The following STYXL2 variants were observed in gnomAD, a reference collection of about 807,000 sequenced individuals.
The protein encoded by STYXL2 is serine/threonine/tyrosine-interacting-like protein 2.
Under a neutral mutation model 52.4 loss-of-function variants are expected in STYXL2, and 44 were observed. The ratio of observed to expected loss-of-function variants is 0.84; its 90% confidence interval spans 0.66 to 1.08. The LOEUF (loss-of-function observed/expected upper bound fraction) is 1.08, where lower values mean the gene tolerates loss of function less well. STYXL2 is among the 50% of genes least tolerant of loss of function. The probability of loss-of-function intolerance (pLI) is 0.00; values close to 1 mark genes in which losing one functional copy is unlikely to be tolerated. For missense variants in STYXL2, 1,604 were observed against 1,471.7 expected (o/e 1.09, Z -1.47); for synonymous variants, 604 against 586.9 (o/e 1.03, Z -0.42).
intron 2 of STYXL2, among the ~76,000 whole-genome samples, chr1:167,105,393 G>C (rs1258222478): frequency 6.6e-6 from 1 of 152,156 alleles, no homozygotes; most frequent in Non-Finnish European, 1.5e-5. Flanking sequence ...CTGATCCTAT[G>C]ATGAGGTATG....
At chr1:167,120,480 G>A (rs73031178) in intron 5 of STYXL2, among the ~76,000 whole-genome samples, 3,894 of 152,110 alleles carry the variant, frequency 0.026, 42 homozygotes, top group African/African-American at 0.033. Context: ...GACAACACCT[G>A]GCACAATAAA....
At chr1:167,125,599 C>T (rs1356023998) in intron 5 of STYXL2, among the ~76,000 whole-genome samples, 188 bp from the exon 6 acceptor site, 2 of 152,200 alleles carry the variant, frequency 1.3e-5, no homozygotes, top group African/African-American at 4.8e-5. Flanking sequence ...TGTGATGTCT[C>T]CCATCTGTAA....
Position 167,126,239 on chromosome 1 carries a change from G to A in STYXL2, c.1108G>A (p.Gly370Ser), listed in dbSNP as rs1348264995. 6.5e-7 allele frequency: 1 copy of A among 1,544,830 alleles called. No homozygotes were observed. The highest frequency in any genetic ancestry group is 1.3e-5 in the South Asian group (1 of 78,458). ...LLSDKVPQDG[G>S]GWRSASSGQG... is the part of the protein sequence containing the mutation. ...CTCAGACAAGGTCCCCCAGGATGGAGGTGGCTGGCGCTCAGCCTCCTCTGG... is the reference window on the plus strand; with the variant it reads ...CTCAGACAAGGTCCCCCAGGATGGAAGTGGCTGGCGCTCAGCCTCCTCTGG... The change falls in exon 6 of 6, where the codon GGT becomes AGT. Residue 370 changes from glycine (G) to serine (S), a missense_variant. Gly to Ser is a moderately conservative substitution (Grantham distance 56). Coordinates refer to ENST00000361200, the MANE Select transcript of STYXL2 (RefSeq NM_001080426.3).
chr1:167,119,515 G>T, intron 5 of STYXL2, 49 bp downstream of exon 5: 1 of 1,531,304 alleles, frequency 6.5e-7, no homozygotes, highest in Non-Finnish European at 9.0e-7. Context: ...CGGGGGAAAA[G>T]TAATGTGGGG....
chr1:167,094,900 G>A lies in STYXL2; in HGVS notation c.51G>A (p.Glu17=). The A allele has an allele frequency of 1.2e-6, 2 of 1,613,300 alleles. No homozygotes were observed. Among genetic ancestry groups the A allele is most frequent in the Non-Finnish European group, 8.5e-7 (1 of 1,179,822 alleles). Residue 17 remains glutamate (E), a synonymous_variant, in exon 2 of 6, where the codon GAG becomes GAA. Coordinates refer to ENST00000361200, the MANE Select transcript of STYXL2 (RefSeq NM_001080426.3). ...TEEEQVVPSE[E]DEANVRAVQA... ...AGGAGCAGGTAGTCCCAAGCGAGGA[G>A]GACGAAGCCAACGTGAGGGCGGTGC...
intron 2 of STYXL2, among the ~76,000 whole-genome samples, chr1:167,104,085 C>T (rs966274651): frequency 2.0e-5 from 3 of 152,124 alleles, no homozygotes; most frequent in Non-Finnish European, 2.9e-5. Flanking sequence ...GGCCACTGCA[C>T]TCCAGCCTGG....
intron 2 of STYXL2, among the ~76,000 whole-genome samples, chr1:167,111,181 A>C (rs184083445): frequency 6.6e-6 from 1 of 152,198 alleles, no homozygotes; most frequent in East Asian, 1.9e-4. Context: ...GAAAACTTTT[A>C]GATGTGGGCA....
At chr1:167,113,290 A>G (rs112855377) in intron 2 of STYXL2, among the ~76,000 whole-genome samples, 12 of 152,266 alleles carry the variant, frequency 7.9e-5, no homozygotes, top group African/African-American at 2.9e-4. Context: ...CAACCTATTC[A>G]GCCCAGCAGT....
chr1:167,124,482 T>C (rs1200634918), intron 5 of STYXL2, among the ~76,000 whole-genome samples: 1 of 152,200 alleles, frequency 6.6e-6, no homozygotes, highest in Non-Finnish European at 1.5e-5. Context: ...AGGTCTCCAG[T>C]GGTCCCAGTC....
chr1:167,115,374 T>C (rs1336011302), intron 3 of STYXL2, among the ~76,000 whole-genome samples: 2 of 152,154 alleles, frequency 1.3e-5, no homozygotes, highest in African/African-American at 4.8e-5. Flanking sequence ...GGCTTTACTT[T>C]CTGCTGAAGA....
intron 2 of STYXL2, among the ~76,000 whole-genome samples, chr1:167,105,581 A>T (rs1483573348): frequency 1.3e-5 from 2 of 152,052 alleles, no homozygotes; most frequent in Non-Finnish European, 2.9e-5. Flanking sequence ...GCAAATATAA[A>T]CAGGGCCAGT....
intron 4 of STYXL2, 37 bp from the exon 5 acceptor site, chr1:167,119,212 C>T (rs1250179434): frequency 6.3e-7 from 1 of 1,599,418 alleles, no homozygotes; most frequent in South Asian, 1.1e-5. Flanking sequence ...CTTTCTAGTT[C>T]CGACTCTTGC....
chr1:167,098,435 C>T (rs1028779912), intron 2 of STYXL2, among the ~76,000 whole-genome samples: 2 of 151,580 alleles, frequency 1.3e-5, no homozygotes, highest in African/African-American at 4.8e-5. Context: ...ATGACCATGC[C>T]ACTGCATTCC....
chr1:167,116,881 C>T (rs1667735814), intron 3 of STYXL2, among the ~76,000 whole-genome samples: 1 of 152,076 alleles, frequency 6.6e-6, no homozygotes, highest in South Asian at 2.1e-4. Context: ...AACTGCTGAC[C>T]TCAGGTCATC....
intron 2 of STYXL2, among the ~76,000 whole-genome samples, chr1:167,110,702 T>C (rs1379039484): frequency 1.3e-5 from 2 of 152,214 alleles, no homozygotes; most frequent in East Asian, 3.8e-4. Flanking sequence ...GTTTTCTACC[T>C]TGGTGACAGT....
chr1:167,108,560 A>G (rs1277611949), intron 2 of STYXL2, among the ~76,000 whole-genome samples: 6 of 140,318 alleles, frequency 4.3e-5, no homozygotes, highest in Non-Finnish European at 9.1e-5. Flanking sequence ...TTCACCAAAC[A>G]ATGAGATCTC....
chr1:167,112,391 C>G (rs1450796918), intron 2 of STYXL2, among the ~76,000 whole-genome samples: 1 of 152,184 alleles, frequency 6.6e-6, no homozygotes, highest in East Asian at 1.9e-4. Flanking sequence ...GAGAATTGTT[C>G]TACTAATCAA....
At chr1:167,104,157 C>T (rs1402761192) in intron 2 of STYXL2, among the ~76,000 whole-genome samples, 1 of 152,042 alleles carries the variant, frequency 6.6e-6, no homozygotes, top group African/African-American at 2.4e-5. Context: ...TGCAAACCAA[C>T]CTCTGCCCGT....
chr1:167,126,316 G>A lies in STYXL2; in HGVS notation c.1185G>A (p.Glu395=). Residue 395 remains glutamate (E), a synonymous_variant, in exon 6 of 6, where the codon GAG becomes GAA. Coordinates refer to ENST00000361200, the MANE Select transcript of STYXL2 (RefSeq NM_001080426.3). ...AGGACGTGGAGAGGATCATCCAGGA[G>A]TGGCAGAGCCGAAACGAGAGGTACC... ...EDEDVERIIQ[E]WQSRNERYQA... 4 of 1,522,818 alleles carry A rather than the reference G, an allele frequency of 2.6e-6. No homozygotes were observed. The highest frequency in any genetic ancestry group is 1.7e-4 in the Middle Eastern group (1 of 5,804). The allele number at this position is 1,522,818 out of a possible 1,614,324, so 94.3% of individuals were successfully genotyped here. A position where few individuals can be genotyped will look rare whatever the true frequency, so the allele number is the denominator to read the frequency against.
Sources: gnomAD v4.1 joint callset for allele counts (sites outside exome capture counted in the v4.1 genomes callset) on GRCh38, gnomAD v4.1.1 for gene constraint, MANE v1.5 for transcripts, NCBI Gene and HGNC (gene_info 2026-07-23, HGNC 2026-07-21) for gene names.